The following HS2ST1 variants were observed in gnomAD, a reference collection of about 807,000 sequenced individuals.
The protein encoded by HS2ST1 is 2-O-sulfotransferase.
In HS2ST1, 18 loss-of-function variants were observed where a neutral mutation model predicts 42.9. That is an observed-to-expected ratio of 0.42 (90% CI 0.29 to 0.62). HS2ST1 has a LOEUF of 0.62. HS2ST1 is among the 20% of genes least tolerant of loss of function. The probability of loss-of-function intolerance (pLI) is 0.21; values close to 1 mark genes in which losing one functional copy is unlikely to be tolerated. For missense variants in HS2ST1, 334 were observed against 433.8 expected (o/e 0.77, Z 2.04); for synonymous variants, 146 against 152.9 (o/e 0.95, Z 0.33).
intron 1 of HS2ST1, among the ~76,000 whole-genome samples, chr1:87,001,423 C>T (rs1362062914): frequency 3.3e-5 from 5 of 152,002 alleles, no homozygotes; most frequent in East Asian, 1.9e-4. Flanking sequence ...GGGCTATCTG[C>T]GAAGGAGAAA....
intron 5 of HS2ST1, among the ~76,000 whole-genome samples, chr1:87,101,364 CTA>C (rs945654595): frequency 6.6e-6 from 1 of 151,488 alleles, no homozygotes; most frequent in African/African-American, 2.4e-5. Flanking sequence ...TGGGGTTTCG[CTA>C]TGTTGGCCAG....
chr1:87,027,196 T>C (rs994416343), intron 1 of HS2ST1, among the ~76,000 whole-genome samples: 2 of 152,348 alleles, frequency 1.3e-5, no homozygotes, highest in African/African-American at 2.4e-5. Flanking sequence ...TACTTTTTCT[T>C]ATGAGAGGCT....
chr1:87,048,310 T>G (rs919872011), intron 1 of HS2ST1, among the ~76,000 whole-genome samples: 3 of 152,224 alleles, frequency 2.0e-5, no homozygotes, highest in African/African-American at 7.2e-5. Context: ...TCTTTTGGAA[T>G]TTCTACGCAT....
intron 1 of HS2ST1, among the ~76,000 whole-genome samples, chr1:86,960,976 G>A (rs1160805874): frequency 6.6e-6 from 1 of 152,144 alleles, no homozygotes; most frequent in Non-Finnish European, 1.5e-5. Context: ...ATACATGTTT[G>A]TAGCAACTTT....
chr1:86,967,873 G>A (rs147354972), intron 1 of HS2ST1, among the ~76,000 whole-genome samples: 3 of 152,270 alleles, frequency 2.0e-5, no homozygotes, highest in African/African-American at 4.8e-5. Flanking sequence ...AGGAATCTCC[G>A]TACTGTTTTC....
At chr1:86,965,962 T>G (rs944293095) in intron 1 of HS2ST1, among the ~76,000 whole-genome samples, 1 of 152,210 alleles carries the variant, frequency 6.6e-6, no homozygotes, top group African/African-American at 2.4e-5. Context: ...GGTTTTCTGT[T>G]TCTCAATTTT....
At chr1:87,099,806 G>T (rs1351572681) in intron 5 of HS2ST1, among the ~76,000 whole-genome samples, 1 of 152,152 alleles carries the variant, frequency 6.6e-6, no homozygotes. Flanking sequence ...GGTGGTATAG[G>T]CATTGGATAA....
At chr1:87,023,449 G>C (rs1468630558) in intron 1 of HS2ST1, among the ~76,000 whole-genome samples, 1 of 130,236 alleles carries the variant, frequency 7.7e-6, no homozygotes, top group Non-Finnish European at 1.6e-5. Flanking sequence ...GATGTGTAAT[G>C]TTCTTCAAGA....
intron 1 of HS2ST1, among the ~76,000 whole-genome samples, chr1:86,916,257 A>G (rs573614642): frequency 6.6e-6 from 1 of 152,360 alleles, no homozygotes; most frequent in Admixed American, 6.5e-5. Context: ...TGGAAAAGTA[A>G]TGTGAAGTGT....
chr1:87,051,078 T>A (rs887401069), intron 1 of HS2ST1, among the ~76,000 whole-genome samples: 1 of 152,190 alleles, frequency 6.6e-6, no homozygotes, highest in Non-Finnish European at 1.5e-5. Flanking sequence ...TAATTTAGTA[T>A]GCTATATTAT....
chr1:86,953,363 T>C (rs1445989269), intron 1 of HS2ST1, among the ~76,000 whole-genome samples: 1 of 152,246 alleles, frequency 6.6e-6, no homozygotes, highest in African/African-American at 2.4e-5. Context: ...AGTGGCACTT[T>C]TAATTTCCTT....
chr1:86,925,304 T>A (rs1481621285), intron 1 of HS2ST1, among the ~76,000 whole-genome samples: 1 of 152,196 alleles, frequency 6.6e-6, no homozygotes, highest in African/African-American at 2.4e-5. Flanking sequence ...TCCTGTCTTG[T>A]TCTGAGCCCT....
chr1:87,084,076 G>T, intron 2 of HS2ST1, 118 bp from the exon 3 acceptor site: 1 of 574,518 alleles, frequency 1.7e-6, no homozygotes, highest in Non-Finnish European at 3.0e-6. Flanking sequence ...CCAAACCTGT[G>T]TTTCAAGCTC....
chr1:86,992,652 G>A (rs1354021298), intron 1 of HS2ST1, among the ~76,000 whole-genome samples: 20 of 152,110 alleles, frequency 1.3e-4, no homozygotes, highest in Non-Finnish European at 2.1e-4. Flanking sequence ...ATGAGCCACC[G>A]CACCTGGCAA....
chr1:86,916,483 A>T (rs1391287546), intron 1 of HS2ST1, among the ~76,000 whole-genome samples: 4 of 152,228 alleles, frequency 2.6e-5, no homozygotes, highest in African/African-American at 9.6e-5. Flanking sequence ...TTGACATTTT[A>T]AAGAGCCTTG....
intron 1 of HS2ST1, among the ~76,000 whole-genome samples, chr1:86,955,093 A>G (rs1411830403): frequency 6.6e-6 from 1 of 152,180 alleles, no homozygotes; most frequent in Non-Finnish European, 1.5e-5. Flanking sequence ...GAAATGTACA[A>G]ATCTTAAGTG....
At chr1:87,062,681 C>A (rs890945984) in intron 1 of HS2ST1, among the ~76,000 whole-genome samples, 1 of 151,860 alleles carries the variant, frequency 6.6e-6, no homozygotes, top group African/African-American at 2.4e-5. Context: ...TTATCTTTTC[C>A]TTTTTGTTTA....
intron 1 of HS2ST1, among the ~76,000 whole-genome samples, chr1:86,999,281 C>T (rs900655572): frequency 6.6e-6 from 1 of 151,924 alleles, no homozygotes; most frequent in Non-Finnish European, 1.5e-5. Context: ...TGGGTTCAAG[C>T]GATTCTCCTG....
intron 1 of HS2ST1, among the ~76,000 whole-genome samples, chr1:86,978,181 C>T (rs187794500): frequency 8.4e-4 from 128 of 152,228 alleles, no homozygotes; most frequent in Middle Eastern, 6.8e-3. Flanking sequence ...CTCTGATGTT[C>T]GCACAATGAT....
Sources: gnomAD v4.1 joint callset for allele counts (sites outside exome capture counted in the v4.1 genomes callset) on GRCh38, gnomAD v4.1.1 for gene constraint, MANE v1.5 for transcripts, NCBI Gene and HGNC (gene_info 2026-07-23, HGNC 2026-07-21) for gene names.